HSPA12A: variants seen among roughly 807,000 people sequenced by gnomAD.
HSPA12A encodes heat shock protein family A (Hsp70) member 12A.
HSPA12A carries 28 observed loss-of-function variants against 69.2 expected under a neutral mutation model. That is an observed-to-expected ratio of 0.40 (90% confidence interval 0.30 to 0.55). The LOEUF is 0.55. Among genes scored for constraint, HSPA12A ranks in the 20% least tolerant of loss-of-function variants. The pLI is 0.38. For synonymous variants in HSPA12A, 345 were observed against 370.5 expected (o/e 0.93, Z 0.79); for missense variants, 686 against 900.7 (o/e 0.76, Z 3.05).
At chr10:116,785,286 G>C (rs1860260) in intron 2 of HSPA12A, among the ~76,000 whole-genome samples, 101,551 of 151,792 alleles carry the variant, frequency 0.67, 35,226 homozygotes, top group South Asian at 0.79. Context: ...GGCAAGGACT[G>C]ATGTCTTGTT....
intron 2 of HSPA12A, among the ~76,000 whole-genome samples, chr10:116,787,699 T>C (rs1205322164): frequency 1.3e-5 from 2 of 152,162 alleles, no homozygotes; most frequent in African/African-American, 4.8e-5. Context: ...TTCCCCCTTT[T>C]GTGTTGTTTG....
At chr10:116,837,347 G>A (rs1006787845) in intron 1 of HSPA12A, among the ~76,000 whole-genome samples, 51 of 152,170 alleles carry the variant, frequency 3.4e-4, no homozygotes, top group African/African-American at 1.1e-3. Flanking sequence ...CATGCTGCCC[G>A]CTACCAATCT....
intron 1 of HSPA12A, among the ~76,000 whole-genome samples, chr10:116,839,208 G>C (rs2133220002): frequency 6.6e-6 from 1 of 152,180 alleles, no homozygotes; most frequent in East Asian, 1.9e-4. Context: ...GAAAGAAACA[G>C]ATTTTACTAT....
Position 116,705,137 on chromosome 10 carries a change from C to A in HSPA12A, c.254+14G>T. 6.2e-7 allele frequency: 1 copy of A among 1,613,796 alleles called. No homozygotes were observed. On this transcript the variant is annotated intron_variant, in intron 3 of 11. Coordinates refer to ENST00000369209, the MANE Select transcript of HSPA12A (RefSeq NM_025015.3). ...TGGCACCAGCCACGTGGCCCTCCCA[C>A]CCACAGCACTCACCTCATCACATGG...
At chr10:116,777,553 AGGTGTACATATCCCCACCATGGCTGATTT>A (rs1844366708) in intron 2 of HSPA12A, among the ~76,000 whole-genome samples, 4 of 152,166 alleles carry the variant, frequency 2.6e-5, no homozygotes, top group African/African-American at 9.7e-5. Flanking sequence ...TGGACTTCCC[AGGTGTACATATCCCCACCATGGCTGATTT>A]TCAGCTACCC....
intron 1 of HSPA12A, among the ~76,000 whole-genome samples, chr10:116,739,658 C>T (rs1482754827): frequency 2.6e-5 from 4 of 152,148 alleles, no homozygotes; most frequent in Admixed American, 2.0e-4. Flanking sequence ...TCAGGTCATG[C>T]GGGAGGGGGC....
In HSPA12A at chr10:116,756,205, C is replaced by T. The variant is rs150549710; in HGVS notation, c.92-48920G>A. ...TCTCCCTCTTTCTCTGAACTCTGTC[C>T]GGAGACTGATGCCTCTCACTTCCAG... On this transcript the variant is annotated intron_variant, in intron 2 of 12. Coordinates refer to the HSPA12A transcript ENST00000635765. 3.3e-5 allele frequency among the ~76,000 whole-genome samples: 5 copies of T among 152,258 alleles called. No individual in the cohort carries two copies. In the East Asian group the frequency reaches 5.8e-4, roughly 18 times the overall value.
intron 3 of HSPA12A, among the ~76,000 whole-genome samples, chr10:116,703,627 A>G (rs1276766990): frequency 6.6e-6 from 1 of 152,246 alleles, no homozygotes; most frequent in African/African-American, 2.4e-5. Flanking sequence ...AAGAAACTGC[A>G]AAGCCAATTA....
intron 2 of HSPA12A, among the ~76,000 whole-genome samples, chr10:116,813,084 G>A (rs1177571152): frequency 6.6e-6 from 1 of 152,034 alleles, no homozygotes; most frequent in Non-Finnish European, 1.5e-5. Flanking sequence ...ACCTGCCACA[G>A]GGGAGATGCC....
At chr10:116,691,408 A>G (rs1200221186) in intron 6 of HSPA12A, among the ~76,000 whole-genome samples, 1 of 152,190 alleles carries the variant, frequency 6.6e-6, no homozygotes, top group East Asian at 1.9e-4. Flanking sequence ...TGTCACAAAC[A>G]AAATCAGAGG....
intron 1 of HSPA12A, among the ~76,000 whole-genome samples, chr10:116,838,371 C>T (rs527512001): frequency 6.6e-6 from 1 of 152,108 alleles, no homozygotes; most frequent in Non-Finnish European, 1.5e-5. Context: ...GCATGAATGC[C>T]CAGAGTGAGA....
chr10:116,758,441 C>T (rs1290497941), intron 2 of HSPA12A, among the ~76,000 whole-genome samples: 1 of 152,138 alleles, frequency 6.6e-6, no homozygotes, highest in Non-Finnish European at 1.5e-5. Context: ...TTGCCCAGGA[C>T]CACCCGGCCA....
At chr10:116,678,982 AT>A (rs1849322484) in intron 10 of HSPA12A, among the ~76,000 whole-genome samples, 2 of 152,112 alleles carry the variant, frequency 1.3e-5, no homozygotes, top group Admixed American at 1.3e-4. Context: ...GAAATCTATT[AT>A]TTTTATCTTT....
At chr10:116,801,639 GA>G (rs1564824177) in intron 2 of HSPA12A, among the ~76,000 whole-genome samples, 1 of 150,474 alleles carries the variant, frequency 6.6e-6, no homozygotes, top group Non-Finnish European at 1.5e-5. Flanking sequence ...CACAGAGAAA[GA>G]AAAAAAGCAT....
chr10:116,759,678 A>T (rs917477), intron 2 of HSPA12A, among the ~76,000 whole-genome samples: 12,334 of 152,162 alleles, frequency 0.081, 699 homozygotes, highest in East Asian at 0.28. Flanking sequence ...GGGATAGAAG[A>T]CATCTCCTCA....
At chr10:116,689,301 T>TC (rs1554879858) in intron 6 of HSPA12A, among the ~76,000 whole-genome samples, 2 of 151,746 alleles carry the variant, frequency 1.3e-5, no homozygotes, top group African/African-American at 4.8e-5. Context: ...GGCTCCATTT[T>TC]CCCCACACAA....
chr10:116,705,068 C>G, intron 3 of HSPA12A, 83 bp downstream of exon 3: 1 of 1,546,366 alleles, frequency 6.5e-7, no homozygotes, highest in East Asian at 2.3e-5. Context: ...TTCGTAAGTG[C>G]CAATCACTGG....
intron 2 of HSPA12A, among the ~76,000 whole-genome samples, chr10:116,748,269 A>G (rs545614372): frequency 6.6e-6 from 1 of 152,324 alleles, no homozygotes; most frequent in Non-Finnish European, 1.5e-5. Flanking sequence ...TGGTCACAGT[A>G]TTTGCCTGGA....
upstream of HSPA12A, among the ~76,000 whole-genome samples, chr10:116,745,692 A>G (rs1189196097): frequency 6.6e-6 from 1 of 152,094 alleles, no homozygotes; most frequent in Non-Finnish European, 1.5e-5. Flanking sequence ...TAGTTTTGCC[A>G]GGTAACCAAC....
Sources: allele counts gnomAD v4.1 joint callset (sites outside exome capture counted in the v4.1 genomes callset), GRCh38; gene constraint gnomAD v4.1.1; transcripts MANE v1.5; gene names NCBI Gene and HGNC (gene_info 2026-07-23, HGNC 2026-07-21).